ULK4: variants seen among roughly 807,000 people sequenced by gnomAD.
The protein encoded by ULK4 is inactive serine/threonine-protein kinase ULK4.
Under a neutral mutation model 160.6 loss-of-function variants are expected in ULK4, and 133 were observed. That is an observed-to-expected ratio of 0.83 (90% CI 0.72 to 0.96). The LOEUF (loss-of-function observed/expected upper bound fraction) is 0.96. Ranked by LOEUF, ULK4 falls within the 40% of genes least tolerant of loss-of-function variation. ULK4 has a pLI of 0.00. For missense variants in ULK4, 1,580 were observed against 1,499.5 expected (o/e 1.05, Z -0.89); for synonymous variants, 534 against 539.8 (o/e 0.99, Z 0.15).
rs569526672 is a variant in ULK4 at position 41,483,115 on chromosome 3, TTC to T, written c.3227-19864_3227-19863del. Among the ~76,000 whole-genome samples, 5 of 152,270 alleles carry T rather than the reference TTC, an allele frequency of 3.3e-5. No individual in the cohort carries two copies. In the South Asian group the frequency reaches 1.0e-3, roughly 32 times the overall value. ...GCAAATACCAGATCTTATGCATTCCTTCTCTTTTTTTTGTACCTGTTAACCAT... is the reference window on the plus strand; with the variant it reads ...GCAAATACCAGATCTTATGCATTCCTTCTTTTTTTTGTACCTGTTAACCAT... On this transcript the variant is annotated intron_variant, in intron 32 of 36. Transcript: ENST00000301831.
chr3:41,742,983 C>T (rs1454883006), intron 22 of ULK4, among the ~76,000 whole-genome samples: 1 of 151,466 alleles, frequency 6.6e-6, no homozygotes, highest in Non-Finnish European at 1.5e-5. Context: ...AGGAGAATAA[C>T]AAAATAACTT....
rs189878082 is a variant in ULK4 at position 41,594,689 on chromosome 3, T to C, written c.3120+20980A>G. 4.6e-5 allele frequency among the ~76,000 whole-genome samples: 7 copies of C among 152,298 alleles called. No individual in the cohort carries two copies. The East Asian group carries it at 1.2e-3, about 25-fold the overall frequency. ...TTAGAGATTTGGATTTTCAATTGGA[T>C]GTTAAGCCACTGCAGGTTTTAAGCT... is the stretch of plus-strand genomic sequence containing the variant. On this transcript the variant is annotated intron_variant, in intron 31 of 36. Coordinates refer to ENST00000301831, the MANE Select transcript of ULK4 (RefSeq NM_017886.4).
chr3:41,837,982 G>C (rs1356697155), intron 17 of ULK4, among the ~76,000 whole-genome samples: 1 of 152,176 alleles, frequency 6.6e-6, no homozygotes, highest in African/African-American at 2.4e-5. Flanking sequence ...GGAAGAAAAA[G>C]GAACCATGTA....
chr3:41,598,986 G>A (rs1034894689), intron 31 of ULK4, among the ~76,000 whole-genome samples: 9 of 152,208 alleles, frequency 5.9e-5, no homozygotes, highest in Non-Finnish European at 1.2e-4. Context: ...GCCTTTTCTA[G>A]TTTCTAGAGG....
chr3:41,522,451 C>T (rs1559671800), intron 32 of ULK4, among the ~76,000 whole-genome samples: 1 of 151,940 alleles, frequency 6.6e-6, no homozygotes, highest in Non-Finnish European at 1.5e-5. Flanking sequence ...CAAATGTCTT[C>T]TTCTTTTACA....
chr3:41,506,556 T>C (rs1338213545), intron 32 of ULK4, among the ~76,000 whole-genome samples: 1 of 151,838 alleles, frequency 6.6e-6, no homozygotes, highest in Non-Finnish European at 1.5e-5. Context: ...GCTGCTTCAC[T>C]TCCTTTTTGG....
chr3:41,675,646 T>A lies in ULK4; in HGVS notation c.2978+5862A>T, dbSNP rs561353694. On this transcript the variant is annotated intron_variant, in intron 29 of 36. Transcript: ENST00000301831. Reference sequence around the variant, plus strand: ...ATCATCCTGGATTTAGGATCGGCCCTAAATCTAAATCCAGTGATGGTATAC... The same window carrying A: ...ATCATCCTGGATTTAGGATCGGCCCAAAATCTAAATCCAGTGATGGTATAC... Among the ~76,000 whole-genome samples the A allele has an allele frequency of 2.0e-5, 3 of 152,100 alleles. No homozygotes were observed. The South Asian group carries it at 6.2e-4, about 32-fold the overall frequency.
At position 41,663,660 on chromosome 3, in the gene ULK4, T is replaced by C. The variant is rs980572897; in HGVS notation, c.3018A>G (p.Ala1006=). The change falls in exon 30 of 37, where the codon GCA becomes GCG. Residue 1006 remains alanine, a synonymous_variant. Transcript: ENST00000301831. ...TCGCGACTAGCAGTTTCAGAGCATATGCTGGTACTGGGTCAGGTTCTAAAA... is the reference window on the plus strand; with the variant it reads ...TCGCGACTAGCAGTTTCAGAGCATACGCTGGTACTGGGTCAGGTTCTAAAA... ...HILLEPDPVP[A]YALKLLVAMT... 3.1e-6 allele frequency: 5 copies of C among 1,614,030 alleles called. No homozygotes were observed. The highest frequency in any genetic ancestry group is 4.2e-6 in the Non-Finnish European group (5 of 1,179,920).
chr3:41,602,068 T>C (rs1202393242), intron 31 of ULK4, among the ~76,000 whole-genome samples: 1 of 151,876 alleles, frequency 6.6e-6, no homozygotes, highest in Non-Finnish European at 1.5e-5. Flanking sequence ...TGGTGGTGTG[T>C]GCCTATAATC....
chr3:41,483,501 T>A (rs1017701367), intron 32 of ULK4, among the ~76,000 whole-genome samples: 1 of 152,158 alleles, frequency 6.6e-6, no homozygotes, highest in African/African-American at 2.4e-5. Context: ...TACATTGCTG[T>A]GACTGTATAA....
chr3:41,685,296 A>C (rs2036064226), intron 27 of ULK4, among the ~76,000 whole-genome samples: 2 of 152,186 alleles, frequency 1.3e-5, no homozygotes, highest in South Asian at 4.1e-4. Flanking sequence ...CTTAAGCATA[A>C]AGAAGGTGAA....
intron 32 of ULK4, among the ~76,000 whole-genome samples, chr3:41,518,421 A>C (rs1230187232): frequency 6.6e-6 from 1 of 152,230 alleles, no homozygotes; most frequent in Non-Finnish European, 1.5e-5. Context: ...AATCTAAGTC[A>C]TCTCTTGACA....
chr3:41,574,528 C>CTTTTTT (rs1559406622), intron 31 of ULK4, among the ~76,000 whole-genome samples: 1 of 106,286 alleles, frequency 9.4e-6, no homozygotes. Context: ...CTACCAGAGT[C>CTTTTTT]CTCTTTTTTT....
chr3:41,520,975 T>C (rs1478304599), intron 32 of ULK4, among the ~76,000 whole-genome samples: 1 of 152,220 alleles, frequency 6.6e-6, no homozygotes. Flanking sequence ...TTATCAGATA[T>C]GTGATTTGCA....
At chr3:41,317,476 GATA>G (rs1244168364) in intron 35 of ULK4, among the ~76,000 whole-genome samples, 3 of 151,958 alleles carry the variant, frequency 2.0e-5, no homozygotes, top group African/African-American at 7.3e-5. Context: ...ACAGATTATT[GATA>G]ATGATATTAT....
At position 41,266,788 on chromosome 3, in the gene ULK4, G is replaced by A. The variant is rs187754227; in HGVS notation, c.3679-17214C>T. Among the ~76,000 whole-genome samples the A allele has an allele frequency of 2.2e-4, 34 of 152,170 alleles. No homozygotes were observed. In the East Asian group the frequency reaches 3.7e-3, roughly 16 times the overall value. On this transcript the variant is annotated intron_variant, in intron 35 of 36. Coordinates refer to ENST00000301831, the MANE Select transcript of ULK4 (RefSeq NM_017886.4). ...ACCAAGAAAATGATTTCAACAGAGG[G>A]GTGAAGGGGGAGCTCCTATTCTTCC... is the stretch of plus-strand genomic sequence containing the variant.
In ULK4 at chr3:41,681,643, C is replaced by G; in HGVS notation, c.2843G>C (p.Arg948Thr). Reference protein sequence around the residue: ...SLVQSQNVEWRLFSLRLLSET... With the variant: ...SLVQSQNVEWTLFSLRLLSET... ...TGAGAGCAACCGCAAGCTAAAGAGT[C>G]TCCACTCCACTTGAAAGAAAAAAAA... is the stretch of plus-strand genomic sequence containing the variant. Residue 948 changes from arginine (R) to threonine (T), a missense_variant, in exon 29 of 37, where the codon AGA (arginine) becomes ACA (threonine). Transcript: ENST00000301831. The G allele has an allele frequency of 6.2e-7, 1 of 1,613,408 alleles. No individual in the cohort carries two copies. Among genetic ancestry groups the G allele is most frequent in the South Asian group, 1.1e-5 (1 of 90,900 alleles).
chr3:41,465,622 A>T (rs1273250122), intron 32 of ULK4, among the ~76,000 whole-genome samples: 1 of 152,138 alleles, frequency 6.6e-6, no homozygotes, highest in Non-Finnish European at 1.5e-5. Context: ...AAATTAGAAC[A>T]GTTTTCTTGT....
intron 5 of ULK4, among the ~76,000 whole-genome samples, chr3:41,926,623 A>G (rs942604789): frequency 3.3e-5 from 5 of 152,226 alleles, no homozygotes; most frequent in African/African-American, 4.8e-5. Flanking sequence ...AGGAATTGCT[A>G]ACGAGAATAA....
Sources: gnomAD v4.1 joint callset for allele counts (sites outside exome capture counted in the v4.1 genomes callset) on GRCh38, gnomAD v4.1.1 for gene constraint, MANE v1.5 for transcripts, NCBI Gene and HGNC (gene_info 2026-07-23, HGNC 2026-07-21) for gene names.